Variants in DAB2IP observed in about 807,000 individuals in gnomAD.
DAB2IP encodes the protein disabled homolog 2-interacting protein.
In DAB2IP, 28 loss-of-function variants were observed where a neutral mutation model predicts 107.2. The observed-to-expected ratio is 0.26, with a 90% CI of 0.19 to 0.36. DAB2IP has a LOEUF of 0.36. Among genes scored for constraint, DAB2IP ranks in the 10% least tolerant of loss-of-function variants. The probability of loss-of-function intolerance (pLI) is 1.00; values close to 1 mark genes in which losing one functional copy is unlikely to be tolerated. For synonymous variants in DAB2IP, 755 were observed against 706.4 expected (o/e 1.07, Z -1.09); for missense variants, 1,400 against 1,644.7 (o/e 0.85, Z 2.57).
chr9:121,734,383 CAAAAAAAAAA>C (rs552116079), intron 3 of DAB2IP, among the ~76,000 whole-genome samples: 1 of 56,912 alleles, frequency 1.8e-5, no homozygotes, highest in Non-Finnish European at 3.5e-5. Flanking sequence ...GACTCCGTCT[CAAAAAAAAAA>C]AAAAAAAAGA....
chr9:121,733,692 C>G (rs2118863851), intron 3 of DAB2IP, among the ~76,000 whole-genome samples: 1 of 152,328 alleles, frequency 6.6e-6, no homozygotes, highest in South Asian at 2.1e-4. Flanking sequence ...TGTGCACTTT[C>G]CTGTGCCCGG....
chr9:121,710,089 C>T (rs1429434264), intron 3 of DAB2IP, among the ~76,000 whole-genome samples: 12 of 152,204 alleles, frequency 7.9e-5, no homozygotes, highest in East Asian at 3.9e-4. Flanking sequence ...GGATTAAACC[C>T]AAGCCGTCTG....
intron 1 of DAB2IP, among the ~76,000 whole-genome samples, chr9:121,641,482 G>A (rs1263576422): frequency 1.3e-5 from 2 of 152,144 alleles, no homozygotes; most frequent in African/African-American, 4.8e-5. Context: ...ATACCCAATG[G>A]CCTTGAACAC....
intron 1 of DAB2IP, among the ~76,000 whole-genome samples, chr9:121,581,716 A>G (rs1049849075): frequency 1.3e-5 from 2 of 152,162 alleles, no homozygotes; most frequent in African/African-American, 4.8e-5. Context: ...GTCCTGCTCC[A>G]GGGAGAGGCA....
At chr9:121,678,958 C>T in intron 2 of DAB2IP, 177 bp downstream of exon 2, 1 of 575,502 alleles carries the variant, frequency 1.7e-6, no homozygotes, top group Non-Finnish European at 2.7e-6. Context: ...GTGGCTCAGC[C>T]CTGGTCCCGG....
intron 4 of DAB2IP, among the ~76,000 whole-genome samples, chr9:121,757,667 A>T (rs1018071600): frequency 1.3e-5 from 2 of 152,066 alleles, no homozygotes; most frequent in East Asian, 3.8e-4. Context: ...CCAGTCCCTC[A>T]TAGGAAATGG....
chr9:121,742,356 G>A (rs975511297), intron 3 of DAB2IP, among the ~76,000 whole-genome samples: 1 of 152,228 alleles, frequency 6.6e-6, no homozygotes, highest in South Asian at 2.1e-4. Context: ...TTGAACCCGG[G>A]AGGCAGAGGT....
chr9:121,666,698 G>A (rs915000881), intron 1 of DAB2IP, among the ~76,000 whole-genome samples: 3 of 152,096 alleles, frequency 2.0e-5, no homozygotes, highest in African/African-American at 7.2e-5. Flanking sequence ...AAACCACCAT[G>A]TCACATGTAT....
At chr9:121,607,608 C>T (rs776860860) in intron 1 of DAB2IP, among the ~76,000 whole-genome samples, 1 of 152,176 alleles carries the variant, frequency 6.6e-6, no homozygotes, top group Non-Finnish European at 1.5e-5. Context: ...TGAGTCACCA[C>T]CCCATCGTTC....
chr9:121,593,384 C>A (rs1017441734), intron 1 of DAB2IP, among the ~76,000 whole-genome samples: 1 of 152,154 alleles, frequency 6.6e-6, no homozygotes, highest in Non-Finnish European at 1.5e-5. Flanking sequence ...TTTCCCAACT[C>A]AGCCTCCCTA....
rs1829527624 is a variant in DAB2IP, at chr9:121,698,272, C to T, written c.229-1053C>T. On this transcript the variant is annotated intron_variant, in intron 2 of 15. Coordinates refer to ENST00000408936, the Ensembl canonical transcript of DAB2IP. This position sits in a 1 kb window ranked among gnomAD's most constrained non-coding sequence, Gnocchi z 4.1. ...TCCCCCTCCTCCAGTTTTCCTCTCC[C>T]TCAAGCTGCCTGTAGTTTCCAAGCC... is the stretch of plus-strand genomic sequence containing the variant. Among the ~76,000 whole-genome samples the T allele has an allele frequency of 1.3e-5, 2 of 152,176 alleles. No homozygotes were observed. The highest frequency in any genetic ancestry group is 4.8e-5 in the African/African-American group (2 of 41,434).
At chr9:121,757,588 C>T (rs1286771893) in intron 4 of DAB2IP, among the ~76,000 whole-genome samples, 3 of 150,878 alleles carry the variant, frequency 2.0e-5, no homozygotes, top group African/African-American at 7.5e-5. Flanking sequence ...CCAAATCTGT[C>T]CTGCCCTGGC....
In DAB2IP at chr9:121,702,754, A is replaced by C. The variant is rs1367347929; in HGVS notation, c.362+3296A>C. On this transcript the variant is annotated intron_variant, in intron 3 of 15. Coordinates refer to ENST00000408936, the Ensembl canonical transcript of DAB2IP. This position sits in a 1 kb window ranked among gnomAD's most constrained non-coding sequence, Gnocchi z 4.5. Reference sequence around the variant, plus strand: ...TTTCCAAGTCATTCATTTATTTATTAATGTTACTGAGGAGCTAGGAGGGTC... The same window carrying C: ...TTTCCAAGTCATTCATTTATTTATTCATGTTACTGAGGAGCTAGGAGGGTC... 1.3e-5 allele frequency among the ~76,000 whole-genome samples: 2 copies of C among 152,044 alleles called. No individual in the cohort carries two copies. Among genetic ancestry groups the C allele is most frequent in the East Asian group, 3.9e-4 (2 of 5,190 alleles).
At chr9:121,774,927 ACAG>A (rs1835087556) in intron 13 of DAB2IP, among the ~76,000 whole-genome samples, 1 of 152,160 alleles carries the variant, frequency 6.6e-6, no homozygotes, top group Non-Finnish European at 1.5e-5. Context: ...TGGGAAAGAA[ACAG>A]CAGTTACCAG....
At chr9:121,659,249 G>C (rs1048336480) in intron 1 of DAB2IP, among the ~76,000 whole-genome samples, 1 of 152,138 alleles carries the variant, frequency 6.6e-6, no homozygotes, top group Non-Finnish European at 1.5e-5. Context: ...TGGGTTCGGA[G>C]ACTGGAAACC....
Position 121,651,684 on chromosome 9 carries a change from G to T in DAB2IP, c.-92G>T, listed in dbSNP as rs1832745684. 1 of 1,120,930 alleles carries T rather than the reference G, an allele frequency of 8.9e-7. No homozygotes were observed. Among genetic ancestry groups the T allele is most frequent in the Non-Finnish European group, 1.1e-6 (1 of 918,142 alleles). 69.4% of individuals were successfully genotyped at this position (1,120,930 alleles called of 1,614,324 possible). ...GGCGGCCGCTCGGGCGAGCGCGGGA[G>T]AACGCGTGGGCGCCCGCCGGGCTGT... On this transcript the variant is annotated 5_prime_UTR_variant, in exon 1 of 16. Transcript: ENST00000408936. This position sits in a 1 kb window ranked among gnomAD's most constrained non-coding sequence, Gnocchi z 5.1.
At chr9:121,727,276 C>T (rs1831285578) in intron 3 of DAB2IP, among the ~76,000 whole-genome samples, 1 of 152,220 alleles carries the variant, frequency 6.6e-6, no homozygotes, top group African/African-American at 2.4e-5. Flanking sequence ...AGCTGCTTCC[C>T]AGCGTTGTGG....
chr9:121,671,398 T>C (rs931064439), intron 1 of DAB2IP, among the ~76,000 whole-genome samples: 1 of 152,186 alleles, frequency 6.6e-6, no homozygotes, highest in African/African-American at 2.4e-5. Context: ...TTCAGGATGA[T>C]TTCCCATCTC....
At chr9:121,692,075 G>C (rs534230082) in intron 2 of DAB2IP, among the ~76,000 whole-genome samples, 47 of 152,264 alleles carry the variant, frequency 3.1e-4, no homozygotes, top group African/African-American at 1.1e-3. Context: ...CTGAGATCTG[G>C]GCTCCTAACT....
Sources: gnomAD v4.1 joint callset for allele counts (sites outside exome capture counted in the v4.1 genomes callset) on GRCh38, gnomAD v4.1.1 for gene constraint, Gnocchi (gnomAD v3.1) non-coding constraint, MANE v1.5 for transcripts, NCBI Gene and HGNC (gene_info 2026-07-23, HGNC 2026-07-21) for gene names.